The following SLCO3A1 variants were observed in gnomAD, a reference collection of about 807,000 sequenced individuals.
SLCO3A1 encodes PGE1 transporter.
SLCO3A1 carries 27 observed loss-of-function variants against 63.1 expected under a neutral mutation model. The observed-to-expected ratio is 0.43, with a 90% CI of 0.32 to 0.59. The LOEUF is 0.59. SLCO3A1 is among the 20% of genes least tolerant of loss of function. The pLI is 0.09. For synonymous variants in SLCO3A1, 473 were observed against 409.9 expected (o/e 1.15, Z -1.86); for missense variants, 773 against 945.8 (o/e 0.82, Z 2.40).
At chr15:91,944,142 G>A (rs1019947615) in intron 2 of SLCO3A1, among the ~76,000 whole-genome samples, 5 of 152,148 alleles carry the variant, frequency 3.3e-5, no homozygotes, top group African/African-American at 9.7e-5. Context: ...TAGGGTTGCT[G>A]ATGTATGTTG....
chr15:91,873,141 A>G (rs1324320164), intron 1 of SLCO3A1, among the ~76,000 whole-genome samples: 1 of 152,260 alleles, frequency 6.6e-6, no homozygotes, highest in East Asian at 1.9e-4. Flanking sequence ...ATCATTTTTC[A>G]AAATTTTAGT....
In SLCO3A1 at chr15:91,912,863, C is replaced by T. The variant is rs562763081; in HGVS notation, c.181-3130C>T. On this transcript the variant is annotated intron_variant, in intron 1 of 9. Coordinates refer to ENST00000318445, the MANE Select transcript of SLCO3A1 (RefSeq NM_013272.4). The surrounding 1 kb of genome is among the most constrained non-coding windows in gnomAD (Gnocchi z 5.0). Reference sequence around the variant, plus strand: ...CCCTTTGGACCTCTCAAGACTCACACAAAGGCCTGGGCGAGGCTCCCCAAA... The same window carrying T: ...CCCTTTGGACCTCTCAAGACTCACATAAAGGCCTGGGCGAGGCTCCCCAAA... 8.5e-5 allele frequency among the ~76,000 whole-genome samples: 13 copies of T among 152,306 alleles called. No homozygotes were observed. The highest frequency in any genetic ancestry group is 2.9e-4 in the African/African-American group (12 of 41,586).
intron 1 of SLCO3A1, among the ~76,000 whole-genome samples, chr15:91,881,518 A>G (rs1360639471): frequency 6.6e-6 from 1 of 152,126 alleles, no homozygotes; most frequent in East Asian, 1.9e-4. Context: ...TGGAACCAGC[A>G]GACTAACCCG....
At chr15:92,087,272 A>G (rs2047417064) in intron 2 of SLCO3A1, among the ~76,000 whole-genome samples, 1 of 151,844 alleles carries the variant, frequency 6.6e-6, no homozygotes, top group Non-Finnish European at 1.5e-5. Flanking sequence ...AGGTGTCTGT[A>G]AGGGTGTGGA....
At chr15:92,146,078 G>A (rs2151587449) in intron 7 of SLCO3A1, among the ~76,000 whole-genome samples, 1 of 152,288 alleles carries the variant, frequency 6.6e-6, no homozygotes, top group South Asian at 2.1e-4. Flanking sequence ...TGAAAGCCAA[G>A]CAGTCCTGGA....
At chr15:92,016,201 T>TTATATAGATAGATAGA (rs2046424420) in intron 2 of SLCO3A1, among the ~76,000 whole-genome samples, 1 of 62,664 alleles carries the variant, frequency 1.6e-5, no homozygotes, top group Admixed American at 1.7e-4. Context: ...GTATATATAT[T>TTATATAGATAGATAGA]TATATAGATA....
At chr15:91,953,963 A>T (rs1336422167) in intron 2 of SLCO3A1, among the ~76,000 whole-genome samples, 2 of 152,176 alleles carry the variant, frequency 1.3e-5, no homozygotes, top group African/African-American at 4.8e-5. Context: ...ACTCTTACAG[A>T]TACTGAGGCA....
intron 1 of SLCO3A1, chr15:91,889,048 T>A: frequency 3.8e-4 from 210 of 547,180 alleles, no homozygotes; most frequent in Non-Finnish European, 5.1e-4. Flanking sequence ...AAAAAAAACC[T>A]ACAATTATTA....
intron 7 of SLCO3A1, among the ~76,000 whole-genome samples, chr15:92,135,973 G>A (rs1222120685): frequency 2.6e-5 from 4 of 152,174 alleles, no homozygotes; most frequent in Non-Finnish European, 5.9e-5. Context: ...CTTGAGACCA[G>A]CTTGGGCAAC....
At chr15:91,998,958 T>G (rs1364629120) in intron 2 of SLCO3A1, among the ~76,000 whole-genome samples, 1 of 152,228 alleles carries the variant, frequency 6.6e-6, no homozygotes, top group Admixed American at 6.5e-5. Flanking sequence ...GAGCAGCCGT[T>G]AGAAGGAATG....
rs1188449573 is a variant in SLCO3A1 at position 92,094,915 on chromosome 15, C to G, written c.681C>G (p.Ala227=). The G allele has an allele frequency of 6.2e-7, 1 of 1,613,904 alleles. No individual in the cohort carries two copies. Among genetic ancestry groups the G allele is most frequent in the Admixed American group, 1.7e-5 (1 of 60,028 alleles). The change falls in exon 3 of 10, where the codon GCC becomes GCG. Residue 227 remains alanine, a synonymous_variant. Coordinates refer to ENST00000318445, the MANE Select transcript of SLCO3A1 (RefSeq NM_013272.4). ...ILFTMLVFGP[A]CGFILGSFCT... ...TCACGATGCTGGTATTTGGACCAGC[C>G]TGCGGGTTTATCCTGGGCTCTTTCT... is the stretch of plus-strand genomic sequence containing the variant.
chr15:91,900,088 G>A lies in SLCO3A1; in HGVS notation c.181-15905G>A, dbSNP rs1898113449. ...TGGATGTTTGAGTTGTTCCCAATGT[G>A]ATGTTATTATGAATAATTCTATTTG... On this transcript the variant is annotated intron_variant, in intron 1 of 9. Transcript: ENST00000318445. This position sits in a 1 kb window ranked among gnomAD's most constrained non-coding sequence, Gnocchi z 4.3. 6.6e-6 allele frequency among the ~76,000 whole-genome samples: 1 copy of A among 152,140 alleles called. No individual in the cohort carries two copies. The highest frequency in any genetic ancestry group is 6.5e-5 in the Admixed American group (1 of 15,272).
intron 2 of SLCO3A1, 61 bp from the exon 3 acceptor site, chr15:92,094,820 T>C: frequency 9.6e-7 from 1 of 1,037,974 alleles, no homozygotes. Flanking sequence ...TGACCTTTGG[T>C]GATTTTGCTC....
rs1897032764 is a variant in SLCO3A1 at position 91,860,924 on chromosome 15, A to G, written c.180+6836A>G. On this transcript the variant is annotated intron_variant, in intron 1 of 9. Transcript: ENST00000318445. The surrounding 1 kb of genome is among the most constrained non-coding windows in gnomAD (Gnocchi z 5.5). ...ACCTGTTCCTGCAACCTGGTTTCCC[A>G]TCCCATGGATTCATCCATCTCGGCT... 6.6e-6 allele frequency among the ~76,000 whole-genome samples: 1 copy of G among 152,036 alleles called. No individual in the cohort carries two copies. Among genetic ancestry groups the G allele is most frequent in the Admixed American group, 6.5e-5 (1 of 15,278 alleles).
intron 1 of SLCO3A1, among the ~76,000 whole-genome samples, chr15:91,869,522 G>A (rs1414088980): frequency 3.5e-5 from 5 of 144,202 alleles, no homozygotes; most frequent in South Asian, 2.2e-4. Flanking sequence ...TGTCTCAAAG[G>A]AAAAAAAAAA....
At chr15:91,922,209 C>CACACACACACAA (rs1555449781) in intron 2 of SLCO3A1, among the ~76,000 whole-genome samples, 3 of 151,974 alleles carry the variant, frequency 2.0e-5, no homozygotes, top group Non-Finnish European at 4.4e-5. Context: ...CACACACACA[C>CACACACACACAA]GGCACAGAGA....
intron 2 of SLCO3A1, among the ~76,000 whole-genome samples, chr15:91,956,330 A>T: frequency 6.6e-6 from 1 of 152,138 alleles, no homozygotes; most frequent in East Asian, 1.9e-4. Context: ...AGTGTTGGGG[A>T]TAAAGCGTGA....
chr15:92,085,752 C>T (rs2047396958), intron 2 of SLCO3A1, among the ~76,000 whole-genome samples: 1 of 152,156 alleles, frequency 6.6e-6, no homozygotes, highest in Non-Finnish European at 1.5e-5. Flanking sequence ...ATTGGAGAAT[C>T]TCCTCCCCAC....
intron 2 of SLCO3A1, among the ~76,000 whole-genome samples, chr15:92,048,288 C>T (rs889953836): frequency 1.3e-5 from 2 of 152,106 alleles, no homozygotes; most frequent in African/African-American, 4.8e-5. Context: ...GTTTGCTGTA[C>T]CCCCATCGGA....
Sources: allele counts gnomAD v4.1 joint callset (sites outside exome capture counted in the v4.1 genomes callset), GRCh38; gene constraint gnomAD v4.1.1; non-coding constraint Gnocchi (gnomAD v3.1); transcripts MANE v1.5; gene names NCBI Gene and HGNC (gene_info 2026-07-23, HGNC 2026-07-21).